The following RP1 variants were observed in gnomAD, a reference collection of about 807,000 sequenced individuals.
The protein encoded by RP1 is oxygen-regulated protein 1.
In RP1, 16 loss-of-function variants were observed where a neutral mutation model predicts 14.8. The ratio of observed to expected loss-of-function variants is 1.08; its 90% CI spans 0.73 to 1.65. The LOEUF is 1.65. Ranked by LOEUF, RP1 falls within the 40% of genes most tolerant of loss-of-function variation. The pLI is 0.00. For missense variants in RP1, 2,631 were observed against 2,535.0 expected (o/e 1.04, Z -0.81); for synonymous variants, 876 against 883.6 (o/e 0.99, Z 0.15).
intron 24 of RP1, among the ~76,000 whole-genome samples, chr8:54,825,148 A>G (rs1811358204): frequency 6.6e-6 from 1 of 151,894 alleles, no homozygotes; most frequent in Non-Finnish European, 1.5e-5. Context: ...TTGAGTAGAG[A>G]CGAGGTTTCA....
intron 24 of RP1, among the ~76,000 whole-genome samples, chr8:54,785,175 C>T (rs1003246334): frequency 1.3e-5 from 2 of 152,098 alleles, no homozygotes; most frequent in African/African-American, 2.4e-5. Context: ...CTCCATTTTC[C>T]TATCTCCCAG....
intron 15 of RP1, among the ~76,000 whole-genome samples, chr8:54,717,818 A>G (rs1186138058): frequency 2.6e-5 from 4 of 152,166 alleles, no homozygotes; most frequent in Non-Finnish European, 1.5e-5. Flanking sequence ...CTCACAGATG[A>G]TATTAGTCTT....
At chr8:54,829,709 C>G (rs771072071) in intron 24 of RP1, among the ~76,000 whole-genome samples, 1 of 152,108 alleles carries the variant, frequency 6.6e-6, no homozygotes, top group African/African-American at 2.4e-5. Flanking sequence ...TTCTTAAGAA[C>G]TGACTGAACC....
chr8:54,699,612 A>T (rs1309091410), intron 13 of RP1: 1 of 931,570 alleles, frequency 1.1e-6, no homozygotes, highest in East Asian at 3.1e-5. Flanking sequence ...CAATAGTATT[A>T]TGTCTGTATA....
At chr8:54,713,048 G>T (rs762868414) in intron 15 of RP1, among the ~76,000 whole-genome samples, 7 of 151,662 alleles carry the variant, frequency 4.6e-5, no homozygotes, top group Non-Finnish European at 8.8e-5. Context: ...ACCCAACAGT[G>T]CCTCAGTCCT....
Position 54,734,544 on chromosome 8 carries a change from G to C in RP1, c.2522-1G>C. The C allele has an allele frequency of 1.3e-6, 2 of 1,531,748 alleles. No homozygotes were observed. The highest frequency in any genetic ancestry group is 1.7e-6 in the Non-Finnish European group (2 of 1,144,764). The allele number at this position is 1,531,748 out of a possible 1,614,324, so 94.9% of individuals were successfully genotyped here. On this transcript the variant is annotated splice_acceptor_variant, in intron 17 of 22. Coordinates refer to the RP1 transcript ENST00000636932. LOFTEE classifies it high-confidence loss of function. ...GCCACTAATGCTTTTTTCCCCCATA[G>C]AAGAAATCAGACATTTCCAAAGTAG...
chr8:54,869,754 C>T (rs1309130372), intron 28 of RP1: 1 of 476,890 alleles, frequency 2.1e-6, no homozygotes, highest in Non-Finnish European at 3.3e-6. Context: ...TCTTTAAATT[C>T]TTTCCATATG....
At chr8:54,807,202 G>A (rs1471369764) in intron 24 of RP1, among the ~76,000 whole-genome samples, 1 of 152,200 alleles carries the variant, frequency 6.6e-6, no homozygotes, top group African/African-American at 2.4e-5. Flanking sequence ...GGCCAGGTCT[G>A]TCAAGCTCCA....
In RP1 at chr8:54,626,755, A is replaced by T; in HGVS notation, c.2873A>T (p.His958Leu). 1.2e-6 allele frequency: 2 copies of T among 1,613,930 alleles called. No homozygotes were observed. Among genetic ancestry groups the T allele is most frequent in the Non-Finnish European group, 1.7e-6 (2 of 1,179,938 alleles). ...AATAGTTTTTCAGGGAATGATCCCCATACAAATTCTGGAAAAATAAGTAAT... is the reference window on the plus strand; with the variant it reads ...AATAGTTTTTCAGGGAATGATCCCCTTACAAATTCTGGAAAAATAAGTAAT... Reference protein sequence around the residue: ...SNNSFSGNDPHTNSGKISNFV... With the variant: ...SNNSFSGNDPLTNSGKISNFV... The change falls in exon 4 of 4, where the codon CAT becomes CTT. Residue 958 changes from histidine (H) to leucine (L), a missense_variant. Transcript: ENST00000220676.
At chr8:54,604,979 C>CA (rs1805392251) in intron 1 of RP1, among the ~76,000 whole-genome samples, 1 of 151,910 alleles carries the variant, frequency 6.6e-6, no homozygotes. Context: ...TTGATCTTTT[C>CA]AAAAAACCAG....
At chr8:54,735,317 A>C (rs966087626) in intron 18 of RP1, among the ~76,000 whole-genome samples, 4 of 152,116 alleles carry the variant, frequency 2.6e-5, no homozygotes, top group Admixed American at 2.0e-4. Flanking sequence ...TTAAGTTTGC[A>C]TGTAGCTGGT....
In RP1 at chr8:54,726,733, A is replaced by G. The variant is rs1808664552; in HGVS notation, c.2521+257A>G. Among the ~76,000 whole-genome samples the G allele has an allele frequency of 2.6e-5, 4 of 151,848 alleles. No individual in the cohort carries two copies. The South Asian group carries it at 8.3e-4, about 31-fold the overall frequency. On this transcript the variant is annotated intron_variant, in intron 17 of 22. Transcript: ENST00000636932. ...ATGAGTTGAAAAGAAGATAGTATTA[A>G]ATTATAACATCAATTGGACTATCAC...
chr8:54,756,437 CTGTT>C (rs1446896079), intron 21 of RP1, among the ~76,000 whole-genome samples: 10 of 152,150 alleles, frequency 6.6e-5, no homozygotes, highest in East Asian at 1.9e-4. Context: ...GTTTCTCAGA[CTGTT>C]TGTTGTAGTT....
rs1585562850 is a variant in RP1, at chr8:54,625,772, A to G, written c.1890A>G (p.Pro630=). The change falls in exon 4 of 4, where the codon CCA becomes CCG. Residue 630 remains proline (P), a synonymous_variant. Transcript: ENST00000220676. The part of the protein sequence containing the change: ...SGTDKNISEA[P]ASEASSTVTA... ...CTGACAAAAATATTTCTGAGGCTCC[A>G]GCTTCAGAAGCATCCTCTACTGTCA... 1 of 1,613,678 alleles carries G rather than the reference A, an allele frequency of 6.2e-7. No homozygotes were observed. The highest frequency in any genetic ancestry group is 8.5e-7 in the Non-Finnish European group (1 of 1,180,000).
intron 28 of RP1, chr8:54,866,045 G>C (rs1812451044): frequency 2.5e-6 from 1 of 399,124 alleles, no homozygotes; most frequent in South Asian, 1.4e-4. Context: ...CAGAGCTGAA[G>C]GCCTTCTCTC....
At chr8:54,863,457 G>A (rs1812395509) in intron 27 of RP1, among the ~76,000 whole-genome samples, 1 of 152,116 alleles carries the variant, frequency 6.6e-6, no homozygotes, top group African/African-American at 2.4e-5. Flanking sequence ...AATGACTACA[G>A]TTTATACATC....
chr8:54,860,909 G>A (rs1045658122), intron 27 of RP1, among the ~76,000 whole-genome samples: 1 of 152,202 alleles, frequency 6.6e-6, no homozygotes, highest in Non-Finnish European at 1.5e-5. Context: ...GTGGTAGGTA[G>A]GCTGGAGGTG....
At chr8:54,851,268 T>A (rs1425951912) in intron 25 of RP1, among the ~76,000 whole-genome samples, 1 of 152,150 alleles carries the variant, frequency 6.6e-6, no homozygotes, top group East Asian at 1.9e-4. Flanking sequence ...AATATGGAGT[T>A]TGTGTTCTAA....
At chr8:54,581,638 C>A (rs1478672942) in intron 1 of RP1, among the ~76,000 whole-genome samples, 14 of 152,104 alleles carry the variant, frequency 9.2e-5, no homozygotes, top group Admixed American at 9.2e-4. Context: ...TAAAACTATT[C>A]CTATTTCTCC....
Sources: allele counts gnomAD v4.1 joint callset (sites outside exome capture counted in the v4.1 genomes callset), GRCh38; gene constraint gnomAD v4.1.1; transcripts MANE v1.5; gene names NCBI Gene and HGNC (gene_info 2026-07-23, HGNC 2026-07-21).